The following PDSS2 variants were observed in gnomAD, a reference collection of about 807,000 sequenced individuals.
The protein encoded by PDSS2 is decaprenyl diphosphate synthase subunit 2.
PDSS2 carries 31 observed loss-of-function variants against 44.5 expected under a neutral mutation model. The ratio of observed to expected loss-of-function variants is 0.70; its 90% CI spans 0.52 to 0.94. The LOEUF is 0.94. Among genes scored for constraint, PDSS2 ranks in the 40% least tolerant of loss-of-function variants. The pLI is 0.00. For synonymous variants in PDSS2, 157 were observed against 180.3 expected, an observed-to-expected ratio of 0.87 and a Z score of 1.03; for missense variants, 452 against 482.2, an observed-to-expected ratio of 0.94 and a Z score of 0.59.
intron 4 of PDSS2, among the ~76,000 whole-genome samples, chr6:107,223,582 C>A (rs1217989500): frequency 1.7e-4 from 26 of 150,904 alleles, no homozygotes; most frequent in Admixed American, 1.7e-3. Flanking sequence ...CATGATGGTA[C>A]ATGCTTGTGG....
intron 2 of PDSS2, among the ~76,000 whole-genome samples, chr6:107,274,914 C>T (rs1452903398): frequency 6.6e-6 from 1 of 152,118 alleles, no homozygotes; most frequent in Admixed American, 6.6e-5. Flanking sequence ...CTCAGGTGAT[C>T]TACCTGCCTC....
At chr6:107,449,459 T>A (rs982796480) in intron 1 of PDSS2, among the ~76,000 whole-genome samples, 11 of 152,294 alleles carry the variant, frequency 7.2e-5, no homozygotes, top group African/African-American at 2.6e-4. Flanking sequence ...CTTCTTCCAG[T>A]CCCTGGAGAC....
At chr6:107,159,074 G>A (rs1554246238) in intron 7 of PDSS2, among the ~76,000 whole-genome samples, 2 of 151,998 alleles carry the variant, frequency 1.3e-5, no homozygotes, top group South Asian at 2.1e-4. Flanking sequence ...GTCCCTTGTC[G>A]GACTGCTGGG....
At chr6:107,224,913 G>A (rs1773734474) in intron 4 of PDSS2, among the ~76,000 whole-genome samples, 1 of 149,642 alleles carries the variant, frequency 6.7e-6, no homozygotes, top group South Asian at 2.1e-4. Flanking sequence ...CTGGCTCATG[G>A]TTTCTCGTGA....
intron 4 of PDSS2, among the ~76,000 whole-genome samples, chr6:107,226,725 A>G (rs1338546416): frequency 6.9e-6 from 1 of 144,814 alleles, no homozygotes; most frequent in Non-Finnish European, 1.5e-5. Context: ...GCTGGAATGC[A>G]GTGGCGCAAT....
chr6:107,458,102 A>G (rs1382221093), intron 1 of PDSS2, among the ~76,000 whole-genome samples: 1 of 152,154 alleles, frequency 6.6e-6, no homozygotes, highest in African/African-American at 2.4e-5. Context: ...AGAGTATGCA[A>G]GTGTGTTCTT....
At chr6:107,417,778 T>TACACACACAC (rs59602150) in intron 1 of PDSS2, among the ~76,000 whole-genome samples, 6 of 146,948 alleles carry the variant, frequency 4.1e-5, no homozygotes, top group African/African-American at 1.0e-4. Context: ...TTAATAATAA[T>TACACACACAC]ACACACACAC....
chr6:107,156,041 C>T (rs1770882620), intron 7 of PDSS2, among the ~76,000 whole-genome samples: 1 of 151,066 alleles, frequency 6.6e-6, no homozygotes, highest in Admixed American at 6.6e-5. Flanking sequence ...AGGCGCCTGC[C>T]ACCACACCTG....
chr6:107,445,422 A>T (rs532186874), intron 1 of PDSS2, among the ~76,000 whole-genome samples: 4 of 152,060 alleles, frequency 2.6e-5, no homozygotes, highest in Non-Finnish European at 5.9e-5. Flanking sequence ...AGAATCCAAA[A>T]TTTTTCTGAT....
intron 1 of PDSS2, among the ~76,000 whole-genome samples, chr6:107,341,477 A>G (rs1199498785): frequency 2.6e-5 from 4 of 152,158 alleles, no homozygotes; most frequent in Non-Finnish European, 5.9e-5. Flanking sequence ...AGAGTTGGGA[A>G]GCATCTTCAT....
At chr6:107,405,847 A>C (rs1027263436) in intron 1 of PDSS2, among the ~76,000 whole-genome samples, 2 of 130,522 alleles carry the variant, frequency 1.5e-5, no homozygotes, top group Non-Finnish European at 3.1e-5. Flanking sequence ...ACTCCGTCTC[A>C]AAAAAAAAAA....
intron 2 of PDSS2, among the ~76,000 whole-genome samples, chr6:107,304,839 AG>A (rs1433488658): frequency 6.6e-6 from 1 of 152,134 alleles, no homozygotes; most frequent in Non-Finnish European, 1.5e-5. Flanking sequence ...CTGTGGTGAC[AG>A]GGAGTCATCC....
At chr6:107,334,367 A>G (rs1289048379) in intron 1 of PDSS2, 35 bp from the exon 2 acceptor site, 30 of 1,602,418 alleles carry the variant, frequency 1.9e-5, no homozygotes, top group Non-Finnish European at 2.5e-5. Flanking sequence ...GGATTAATAT[A>G]CCCTCACGAG....
At chr6:107,292,152 C>CT (rs1776369430) in intron 2 of PDSS2, among the ~76,000 whole-genome samples, 1 of 150,522 alleles carries the variant, frequency 6.6e-6, no homozygotes, top group African/African-American at 2.4e-5. Context: ...TCTTGCATGC[C>CT]ATGAAAACAC....
At chr6:107,273,597 GA>G (rs896554893) in intron 3 of PDSS2, among the ~76,000 whole-genome samples, 3 of 151,662 alleles carry the variant, frequency 2.0e-5, no homozygotes, top group African/African-American at 7.3e-5. Context: ...AAATAGGCAG[GA>G]TTAAAAAACC....
At chr6:107,219,165 T>C (rs576088304) in intron 4 of PDSS2, among the ~76,000 whole-genome samples, 6 of 152,204 alleles carry the variant, frequency 3.9e-5, no homozygotes, top group South Asian at 2.1e-4. Flanking sequence ...TTCCCTTTTA[T>C]AGTACCAAGC....
chr6:107,327,949 A>G (rs1196124114), intron 2 of PDSS2, among the ~76,000 whole-genome samples: 1 of 152,268 alleles, frequency 6.6e-6, no homozygotes, highest in East Asian at 1.9e-4. Context: ...TGTAAGACTT[A>G]CACTGTAAAA....
chr6:107,308,381 A>T (rs189557423), intron 2 of PDSS2, among the ~76,000 whole-genome samples: 1 of 152,366 alleles, frequency 6.6e-6, no homozygotes, highest in Non-Finnish European at 1.5e-5. Context: ...AATATAAAGT[A>T]TAAAAAGCAT....
intron 4 of PDSS2, among the ~76,000 whole-genome samples, chr6:107,236,782 C>T (rs1411152100): frequency 2.6e-5 from 4 of 152,044 alleles, no homozygotes; most frequent in Admixed American, 2.6e-4. Flanking sequence ...GATGCCTTTT[C>T]TGATTTCCCC....
Sources: gnomAD v4.1 joint callset for allele counts (sites outside exome capture counted in the v4.1 genomes callset) on GRCh38, gnomAD v4.1.1 for gene constraint, MANE v1.5 for transcripts, NCBI Gene and HGNC (gene_info 2026-07-23, HGNC 2026-07-21) for gene names.